Variants in ZNF324B observed in about 807,000 individuals in gnomAD.
ZNF324B encodes zinc finger protein 324B.
A neutral mutation model predicts 10.6 loss-of-function variants in ZNF324B; 7 were observed. The observed-to-expected ratio is 0.66, with a 90% CI of 0.38 to 1.24. ZNF324B has a LOEUF of 1.24. Ranked by LOEUF, ZNF324B falls within the 50% of genes most tolerant of loss-of-function variation. ZNF324B has a pLI of 0.02. For synonymous variants in ZNF324B, 316 were observed against 321.0 expected, an observed-to-expected ratio of 0.98 and a Z score of 0.17; for missense variants, 640 against 764.7, an observed-to-expected ratio of 0.84 and a Z score of 1.92.
At chr19:58,431,125 C>T in the ZNF324B span, 1 of 152,214 alleles carries the variant, frequency 6.6e-6, no homozygotes, top group Non-Finnish European at 1.5e-5. Context: ...CATGTCACAT[C>T]TGAAAAGGTG....
At chr19:58,439,944 G>T in the ZNF324B span, 3 of 1,012,904 alleles carry the variant, frequency 3.0e-6, no homozygotes, top group Non-Finnish European at 4.3e-6. Flanking sequence ...GGGCACCGCA[G>T]GGACGAAGGC....
At chr19:58,446,158 AC>A in the ZNF324B span, among the ~76,000 whole-genome samples, 1 of 151,928 alleles carries the variant, frequency 6.6e-6, no homozygotes, top group Non-Finnish European at 1.5e-5. Context: ...ACAAAACAAA[AC>A]CCAGCCCTAC....
At chr19:58,420,557 CCA>C in the ZNF324B span, among the ~76,000 whole-genome samples, 1 of 151,894 alleles carries the variant, frequency 6.6e-6, no homozygotes, top group African/African-American at 2.4e-5. Context: ...TGGCAAGACC[CCA>C]TCTCTTTAAA....
Position 58,457,187 on chromosome 19 carries a change from T to C in ZNF324B, c.*608T>C, listed in dbSNP as rs188216317. On this transcript the variant is annotated 3_prime_UTR_variant, in exon 4 of 4. Transcript: ENST00000336614. ...TGTTTGCAGATGCTGACAGACGGGATCCTAATGAGAGTCAATGTGTGCTCA... is the reference window on the plus strand; with the variant it reads ...TGTTTGCAGATGCTGACAGACGGGACCCTAATGAGAGTCAATGTGTGCTCA... 3.0e-3 allele frequency: 468 copies of C among 155,974 alleles called. 2 individuals are homozygous for C. The highest frequency in any genetic ancestry group is 0.011 in the African/African-American group (454 of 41,544). The allele number at this position is 155,974 out of a possible 1,614,324, so 9.7% of individuals were successfully genotyped here.
the ZNF324B span, among the ~76,000 whole-genome samples, chr19:58,431,955 A>T: frequency 6.6e-6 from 1 of 152,118 alleles, no homozygotes; most frequent in Non-Finnish European, 1.5e-5. Flanking sequence ...AAATCGCGCC[A>T]CTGCACTCCA....
At chr19:58,438,859 C>G in the ZNF324B span, among the ~76,000 whole-genome samples, 53 of 152,082 alleles carry the variant, frequency 3.5e-4, no homozygotes, top group Middle Eastern at 0.01. Context: ...CAACCTCCAT[C>G]TCCCAGATTC....
chr19:58,427,361 T>TCTTTC, the ZNF324B span, among the ~76,000 whole-genome samples: 1 of 53,478 alleles, frequency 1.9e-5, no homozygotes, highest in Non-Finnish European at 4.0e-5. Flanking sequence ...TTTCTTTCTT[T>TCTTTC]CTTTCTTTCT....
At chr19:58,438,124 G>A in the ZNF324B span, among the ~76,000 whole-genome samples, 1 of 152,170 alleles carries the variant, frequency 6.6e-6, no homozygotes, top group Non-Finnish European at 1.5e-5. Flanking sequence ...ACAATGTAGT[G>A]AGCTGTAGAG....
Position 58,457,052 on chromosome 19 carries a change from G to A in ZNF324B, c.*473G>A. On this transcript the variant is annotated 3_prime_UTR_variant, in exon 4 of 4. Transcript: ENST00000336614. The stretch of plus-strand genomic sequence containing the variant: ...TGAGGCCTCTATTCAAGGCTTCCTG[G>A]GGGCCATCTCAGCAAACAGGAGACT... 5.7e-6 allele frequency: 1 copy of A among 175,454 alleles called. No homozygotes were observed. The highest frequency in any genetic ancestry group is 1.4e-4 in the South Asian group (1 of 7,392). 10.9% of individuals were successfully genotyped at this position (175,454 alleles called of 1,614,324 possible). A position where few individuals can be genotyped will look rare whatever the true frequency, so the allele number is the denominator to read the frequency against.
In ZNF324B at chr19:58,455,841, C is replaced by T. The variant is rs1253087327; in HGVS notation, c.897C>T (p.His299=). The part of the protein sequence containing the change: ...QCGKAFSQTS[H]LTQHQRIHSG... ...GCAAGGCCTTCAGCCAGACGTCGCA[C>T]TTGACGCAGCACCAGCGCATCCACA... The change falls in exon 4 of 4, where the codon CAC becomes CAT. Residue 299 remains histidine (H), a synonymous_variant. Coordinates refer to ENST00000336614, the MANE Select transcript of ZNF324B (RefSeq NM_207395.3). This position sits in a 1 kb window ranked among gnomAD's most constrained non-coding sequence, Gnocchi z 7.0. 1.2e-6 allele frequency: 2 copies of T among 1,613,882 alleles called. No individual in the cohort carries two copies. The highest frequency in any genetic ancestry group is 1.7e-5 in the Admixed American group (1 of 60,022).
the ZNF324B span, among the ~76,000 whole-genome samples, chr19:58,431,314 A>C: frequency 6.6e-6 from 1 of 152,172 alleles, no homozygotes; most frequent in African/African-American, 2.4e-5. Context: ...CACATATCCC[A>C]CTACTGAGCC....
rs752921928 is a variant in ZNF324B, at chr19:58,455,754, C to T, written c.810C>T (p.Ser270=). Residue 270 remains serine (S), a synonymous_variant, in exon 4 of 4, where the codon TCC becomes TCT. Transcript: ENST00000336614. The surrounding 1 kb of genome is among the most constrained non-coding windows in gnomAD (Gnocchi z 7.0). ...GCAGCAAAGTGTTCGTGAAGAGCTCCGACCTCCTCAAGCACCTACGCACCC... is the reference window on the plus strand; with the variant it reads ...GCAGCAAAGTGTTCGTGAAGAGCTCTGACCTCCTCAAGCACCTACGCACCC... ...RACSKVFVKS[S]DLLKHLRTHT... The T allele has an allele frequency of 4.3e-6, 7 of 1,613,886 alleles. No homozygotes were observed. Among genetic ancestry groups the T allele is most frequent in the South Asian group, 2.2e-5 (2 of 91,092 alleles).
the ZNF324B span, among the ~76,000 whole-genome samples, chr19:58,439,014 TCTGGCCGCC>T: frequency 6.6e-6 from 1 of 152,116 alleles, no homozygotes; most frequent in African/African-American, 2.4e-5. Context: ...CCTCAAGTGA[TCTGGCCGCC>T]TTGGCCTCCC....
chr19:58,424,732 T>C, the ZNF324B span, among the ~76,000 whole-genome samples: 2 of 151,852 alleles, frequency 1.3e-5, no homozygotes, highest in African/African-American at 2.4e-5. Context: ...CCCAGCTACA[T>C]TGGGCAGGAG....
chr19:58,439,804 T>G, the ZNF324B span: 2 of 1,546,144 alleles, frequency 1.3e-6, no homozygotes, highest in Non-Finnish European at 1.7e-6. Flanking sequence ...TTAGAACCTG[T>G]GGGCTGGGCA....
the ZNF324B span, chr19:58,445,423 A>G: frequency 4.0e-5 from 21 of 519,016 alleles, no homozygotes; most frequent in East Asian, 1.1e-3. Flanking sequence ...CATCGGCCAC[A>G]GCTCCTGCCT....
the ZNF324B span, chr19:58,433,110 G>A: frequency 7.0e-6 from 4 of 573,910 alleles, no homozygotes; most frequent in Non-Finnish European, 1.2e-5. Flanking sequence ...TTGGATCCAG[G>A]CAAGATGGAA....
At chr19:58,446,385 C>T in the ZNF324B span, among the ~76,000 whole-genome samples, 1 of 151,974 alleles carries the variant, frequency 6.6e-6, no homozygotes, top group Non-Finnish European at 1.5e-5. Flanking sequence ...TGGTGGAAGC[C>T]CATCTCTGTT....
upstream of ZNF324B, among the ~76,000 whole-genome samples, chr19:58,447,257 C>A (rs746073728): frequency 2.0e-5 from 3 of 152,204 alleles, no homozygotes; most frequent in Non-Finnish European, 4.4e-5. Context: ...GGATTACTGG[C>A]GTGAGCCACC....
Sources: gnomAD v4.1 joint callset for allele counts (sites outside exome capture counted in the v4.1 genomes callset) on GRCh38, gnomAD v4.1.1 for gene constraint, Gnocchi (gnomAD v3.1) non-coding constraint, MANE v1.5 for transcripts, NCBI Gene and HGNC (gene_info 2026-07-23, HGNC 2026-07-21) for gene names.